The following CACNA1B variants were observed in gnomAD, a reference collection of about 807,000 sequenced individuals.
CACNA1B encodes calcium voltage-gated channel subunit alpha1 B, also known as voltage-dependent N-type calcium channel subunit alpha-1B.
Under a neutral mutation model 247.2 loss-of-function variants are expected in CACNA1B, and 70 were observed. That is an observed-to-expected ratio of 0.28 (90% CI 0.23 to 0.35). CACNA1B has a LOEUF of 0.35. CACNA1B is among the 10% of genes least tolerant of loss of function. The pLI is 1.00. For synonymous variants in CACNA1B, 1,231 were observed against 1,294.4 expected (o/e 0.95, Z 1.05); for missense variants, 2,367 against 3,197.4 (o/e 0.74, Z 6.26).
intron 20 of CACNA1B, among the ~76,000 whole-genome samples, chr9:138,035,519 T>C (rs772488688): frequency 1.3e-5 from 2 of 152,298 alleles, no homozygotes; most frequent in Non-Finnish European, 2.9e-5. Context: ...ACTAGTTTCT[T>C]ATTATTTTTT....
intron 6 of CACNA1B, among the ~76,000 whole-genome samples, chr9:137,941,563 C>T (rs1474935713): frequency 1.3e-5 from 2 of 152,030 alleles, no homozygotes; most frequent in African/African-American, 2.4e-5. Context: ...CCTCATTCCT[C>T]TCAAATTTGG....
At chr9:137,987,294 C>A (rs1456399372) in intron 15 of CACNA1B, among the ~76,000 whole-genome samples, 5 of 152,178 alleles carry the variant, frequency 3.3e-5, no homozygotes, top group Admixed American at 3.3e-4. Flanking sequence ...CCCCCCTCAG[C>A]TCCTCGGGAA....
At chr9:137,898,538 ATCTGTTGCTCAGGCT>A (rs1957196637) in intron 3 of CACNA1B, among the ~76,000 whole-genome samples, 1 of 151,674 alleles carries the variant, frequency 6.6e-6, no homozygotes, top group Non-Finnish European at 1.5e-5. Context: ...CAGGGTCTTA[ATCTGTTGCTCAGGCT>A]GGAGTGCAGT....
intron 15 of CACNA1B, among the ~76,000 whole-genome samples, chr9:137,999,025 A>G (rs1958532886): frequency 6.6e-6 from 1 of 152,094 alleles, no homozygotes; most frequent in Non-Finnish European, 1.5e-5. Flanking sequence ...ATTACTGTCC[A>G]GCTGGGCACA....
At chr9:137,997,064 A>C (rs1289157288) in intron 15 of CACNA1B, among the ~76,000 whole-genome samples, 2 of 152,236 alleles carry the variant, frequency 1.3e-5, no homozygotes, top group African/African-American at 4.8e-5. Flanking sequence ...TAACAGATTA[A>C]GGTGGATACA....
At chr9:138,104,856 C>T (rs768680798) in intron 38 of CACNA1B, among the ~76,000 whole-genome samples, 13 of 152,242 alleles carry the variant, frequency 8.5e-5, no homozygotes, top group African/African-American at 1.2e-4. Flanking sequence ...GGGGCCTCTT[C>T]AGTTCTTAGA....
rs992697462 is a variant in CACNA1B at position 138,062,474 on chromosome 9, C to T, written c.4668+2737C>T. ...TGTGTCCTCTAGACATGCTTGGGTT[C>T]GGTCGTAGAGGTACCCCTTCCATTG... On this transcript the variant is annotated intron_variant, in intron 31 of 46. Coordinates refer to ENST00000371372, the MANE Select transcript of CACNA1B (RefSeq NM_000718.4). Among the ~76,000 whole-genome samples the T allele has an allele frequency of 7.9e-5, 12 of 152,206 alleles. No homozygotes were observed. In the South Asian group the frequency reaches 1.9e-3, roughly 24 times the overall value.
chr9:137,919,403 C>T lies in CACNA1B; in HGVS notation c.966+1972C>T, dbSNP rs536592934. On this transcript the variant is annotated intron_variant, in intron 6 of 46. Transcript: ENST00000371372. This position sits in a 1 kb window ranked among gnomAD's most constrained non-coding sequence, Gnocchi z 4.6. ...CTAGAAACCAGACATGCAGATGCTA[C>T]AACACCTTGGAAGCTTGGCCGGGGC... Among the ~76,000 whole-genome samples, 4 of 152,352 alleles carry T rather than the reference C, an allele frequency of 2.6e-5. No individual in the cohort carries two copies. The South Asian group carries it at 6.2e-4, about 24-fold the overall frequency.
At chr9:138,115,892 A>T (rs1277295487) in intron 42 of CACNA1B, among the ~76,000 whole-genome samples, 1 of 152,186 alleles carries the variant, frequency 6.6e-6, no homozygotes, top group Non-Finnish European at 1.5e-5. Flanking sequence ...CCTAGGCCAC[A>T]TCTCAGTTCT....
rs192178559 is a variant in CACNA1B at position 138,113,323 on chromosome 9, C to T, written c.5536+818C>T. Among the ~76,000 whole-genome samples, 144 of 144,122 alleles carry T rather than the reference C, an allele frequency of 1.0e-3. 1 individual carries two copies. In the Middle Eastern group the frequency reaches 0.019, roughly 19 times the overall value. The allele number at this position is 144,122 out of a possible 152,430, so 94.5% of individuals were successfully genotyped here. Reference sequence around the variant, plus strand: ...GTGCCCAACTCCATCTTGTGGGAGACGTGAGGGAGCACGAGGAGGTGCCCA... The same window carrying T: ...GTGCCCAACTCCATCTTGTGGGAGATGTGAGGGAGCACGAGGAGGTGCCCA... On this transcript the variant is annotated intron_variant, in intron 40 of 46. Transcript: ENST00000371372.
intron 6 of CACNA1B, among the ~76,000 whole-genome samples, chr9:137,931,333 TGAA>T (rs1268042754): frequency 6.6e-6 from 1 of 152,184 alleles, no homozygotes; most frequent in Non-Finnish European, 1.5e-5. Context: ...CCTGTGTAAA[TGAA>T]GACCAGGCCC....
intron 10 of CACNA1B, among the ~76,000 whole-genome samples, chr9:137,970,619 C>T (rs1167026048): frequency 2.0e-5 from 3 of 152,164 alleles, no homozygotes; most frequent in Non-Finnish European, 4.4e-5. Flanking sequence ...AAATGGTGTG[C>T]CCAGAGCAGG....
intron 36 of CACNA1B, among the ~76,000 whole-genome samples, chr9:138,095,648 C>G (rs1961029383): frequency 6.6e-6 from 1 of 152,150 alleles, no homozygotes; most frequent in African/African-American, 2.4e-5. Flanking sequence ...AAAGATGTAT[C>G]TGCATAGAAA....
At chr9:137,925,122 C>A (rs747963190) in intron 6 of CACNA1B, among the ~76,000 whole-genome samples, 13 of 152,250 alleles carry the variant, frequency 8.5e-5, no homozygotes, top group Non-Finnish European at 1.6e-4. Context: ...CCTGGTTCTT[C>A]AGATGGAAGG....
rs1958123865 is a variant in CACNA1B, at chr9:137,969,801, T to C, written c.1334-1582T>C. On this transcript the variant is annotated intron_variant, in intron 10 of 46. Transcript: ENST00000371372. Reference sequence around the variant, plus strand: ...GTGGGTGCATGGGGGGTTCAGAGTGTGTGGGCTTGTTCTGTGCACAGCTCT... The same window carrying C: ...GTGGGTGCATGGGGGGTTCAGAGTGCGTGGGCTTGTTCTGTGCACAGCTCT... Among the ~76,000 whole-genome samples, 3 of 152,308 alleles carry C rather than the reference T, an allele frequency of 2.0e-5. No homozygotes were observed. In the South Asian group the frequency reaches 6.2e-4, roughly 32 times the overall value.
rs1329271781 is a variant in CACNA1B at position 137,881,068 on chromosome 9, T to C, written c.391-1676T>C. Among the ~76,000 whole-genome samples, 1 of 152,138 alleles carries C rather than the reference T, an allele frequency of 6.6e-6. No homozygotes were observed. Among genetic ancestry groups the C allele is most frequent in the Non-Finnish European group, 1.5e-5 (1 of 68,022 alleles). On this transcript the variant is annotated intron_variant, in intron 2 of 46. Coordinates refer to ENST00000371372, the MANE Select transcript of CACNA1B (RefSeq NM_000718.4). This position sits in a 1 kb window ranked among gnomAD's most constrained non-coding sequence, Gnocchi z 4.3. Reference sequence around the variant, plus strand: ...CTGGGGGCTCCTTCCCAGCTGAGGGTGCTGGCTGGTCCTTCCTAGGCGTCG... The same window carrying C: ...CTGGGGGCTCCTTCCCAGCTGAGGGCGCTGGCTGGTCCTTCCTAGGCGTCG...
intron 36 of CACNA1B, among the ~76,000 whole-genome samples, chr9:138,084,532 C>A (rs951985327): frequency 6.6e-6 from 1 of 151,286 alleles, no homozygotes; most frequent in Non-Finnish European, 1.5e-5. Flanking sequence ...ACCACTGCAC[C>A]TGGAAACAGA....
chr9:137,956,818 C>T lies in CACNA1B; in HGVS notation c.1234C>T (p.Pro412Ser). The change falls in exon 9 of 47, where the codon CCT becomes TCT. Residue 412 changes from proline (P) to serine (S), a missense_variant. By Grantham distance (74) the Pro-to-Ser change is moderately conservative. Transcript: ENST00000371372. ...EEDRNAEEKS[P>S]LDVLKRAATK... is the part of the protein sequence containing the mutation. ...GGACAGGAATGCAGAGGAGAAGTCC[C>T]CTTTGGACGGTAGGTGGCACTTGCT... is the stretch of plus-strand genomic sequence containing the variant. 4 of 1,613,538 alleles carry T rather than the reference C, an allele frequency of 2.5e-6. No individual in the cohort carries two copies. The highest frequency in any genetic ancestry group is 3.4e-6 in the Non-Finnish European group (4 of 1,179,576).
chr9:138,115,346 C>T (rs1961815920), intron 41 of CACNA1B, among the ~76,000 whole-genome samples: 2 of 152,206 alleles, frequency 1.3e-5, no homozygotes, highest in African/African-American at 4.8e-5. Context: ...TAAGGGTCCC[C>T]TGGCTTGCTT....
Sources: gnomAD v4.1 joint callset for allele counts (sites outside exome capture counted in the v4.1 genomes callset) on GRCh38, gnomAD v4.1.1 for gene constraint, Gnocchi (gnomAD v3.1) non-coding constraint, MANE v1.5 for transcripts, NCBI Gene and HGNC (gene_info 2026-07-23, HGNC 2026-07-21) for gene names.